Variants in HIPK2 observed in about 807,000 individuals in gnomAD.
The protein encoded by HIPK2 is homeodomain interacting protein kinase 2, also known as homeodomain-interacting protein kinase 2.
Under a neutral mutation model 113.7 loss-of-function variants are expected in HIPK2, and 27 were observed. The observed-to-expected ratio is 0.24, with a 90% CI of 0.17 to 0.33. The LOEUF (loss-of-function observed/expected upper bound fraction) is 0.33. HIPK2 is among the 10% of genes least tolerant of loss of function. The pLI, the probability that HIPK2 is intolerant of heterozygous loss-of-function variation, is 1.00. For missense variants in HIPK2, 1,257 were observed against 1,588.0 expected (o/e 0.79, Z 3.54); for synonymous variants, 631 against 642.2 (o/e 0.98, Z 0.26).
At chr7:139,762,817 T>C (rs1046956654) in intron 1 of HIPK2, among the ~76,000 whole-genome samples, 5 of 152,212 alleles carry the variant, frequency 3.3e-5, no homozygotes, top group East Asian at 1.9e-4. Flanking sequence ...TCTATCTTCA[T>C]GGAGCTTGCA....
At chr7:139,580,142 CCTT>C (rs1228703509) in intron 13 of HIPK2, among the ~76,000 whole-genome samples, 1 of 152,176 alleles carries the variant, frequency 6.6e-6, no homozygotes, top group Admixed American at 6.5e-5. Context: ...GGGGAAGCCT[CCTT>C]CTTGCTCTGC....
chr7:139,617,833 C>A (rs1800109207), intron 7 of HIPK2, among the ~76,000 whole-genome samples: 1 of 152,228 alleles, frequency 6.6e-6, no homozygotes, highest in South Asian at 2.1e-4. Flanking sequence ...TAAAACTATG[C>A]ATATATTGTA....
intron 2 of HIPK2, among the ~76,000 whole-genome samples, chr7:139,704,755 G>A (rs1364200976): frequency 6.6e-6 from 1 of 152,156 alleles, no homozygotes; most frequent in Non-Finnish European, 1.5e-5. Flanking sequence ...ACCAGCAGGT[G>A]TCAAAGGCAG....
intron 2 of HIPK2, among the ~76,000 whole-genome samples, chr7:139,698,475 G>C: frequency 1.3e-5 from 2 of 152,300 alleles, no homozygotes; most frequent in Middle Eastern, 6.8e-3. Flanking sequence ...TGTATACCTA[G>C]GAATGGAATT....
At chr7:139,769,355 C>CA (rs1554459780) in intron 1 of HIPK2, among the ~76,000 whole-genome samples, 37 of 151,856 alleles carry the variant, frequency 2.4e-4, no homozygotes, top group African/African-American at 4.1e-4. Context: ...TGGCCCACCC[C>CA]TGGCTGTCTG....
At chr7:139,584,157 C>T (rs1399268970) in intron 12 of HIPK2, 93 bp from the exon 13 acceptor site, 32 of 1,494,184 alleles carry the variant, frequency 2.1e-5, no homozygotes, top group Non-Finnish European at 2.6e-5. Context: ...GGGAGGGAGG[C>T]AGAGGGGAGA....
At chr7:139,601,943 T>C (rs1585260960) in intron 10 of HIPK2, among the ~76,000 whole-genome samples, 1 of 149,596 alleles carries the variant, frequency 6.7e-6, no homozygotes, top group Non-Finnish European at 1.5e-5. Context: ...ACTCATATTA[T>C]GGCTTCTTTT....
intron 1 of HIPK2, among the ~76,000 whole-genome samples, chr7:139,731,353 G>A (rs950390941): frequency 3.3e-5 from 5 of 152,148 alleles, no homozygotes; most frequent in African/African-American, 1.2e-4. Flanking sequence ...CTCTCCTTAT[G>A]CAAATATATT....
intron 2 of HIPK2, 64 bp downstream of exon 2, chr7:139,715,868 G>A: frequency 6.4e-7 from 1 of 1,560,970 alleles, no homozygotes; most frequent in Non-Finnish European, 8.7e-7. Context: ...TGACTAAGGT[G>A]GCACATTCTC....
chr7:139,659,362 T>A (rs1469984924), intron 2 of HIPK2, among the ~76,000 whole-genome samples: 3 of 152,172 alleles, frequency 2.0e-5, no homozygotes, highest in African/African-American at 7.2e-5. Flanking sequence ...TTTAATAACA[T>A]CCGATTCTTT....
chr7:139,602,272 T>C (rs2116697008), intron 10 of HIPK2, among the ~76,000 whole-genome samples: 1 of 152,324 alleles, frequency 6.6e-6, no homozygotes, highest in East Asian at 1.9e-4. Flanking sequence ...ATATTATGGC[T>C]TCTTTATTTT....
rs1355761642 is a variant in HIPK2 at position 139,634,683 on chromosome 7, T to TTTTGTTTTTG, written c.1104-2959_1104-2958insCAAAAACAAA. Among the ~76,000 whole-genome samples the TTTTGTTTTTG allele has an allele frequency of 2.1e-5, 3 of 143,218 alleles. 1 individual carries two copies. The highest frequency in any genetic ancestry group is 8.5e-5 in the African/African-American group (3 of 35,098). The allele number at this position is 143,218 out of a possible 152,430, so 94.0% of individuals were successfully genotyped here. A position where few individuals can be genotyped will look rare whatever the true frequency, so the allele number is the denominator to read the frequency against. On this transcript the variant is annotated intron_variant, in intron 2 of 14. Transcript: ENST00000406875. ...GGACTATCTGTTTCAGGTTTTTTTT[T>TTTTGTTTTTG]TTTTTTTTTTTTGAGACAGAGTCTT... is the stretch of plus-strand genomic sequence containing the variant.
chr7:139,688,827 C>G (rs1794310224), intron 2 of HIPK2, among the ~76,000 whole-genome samples: 1 of 152,066 alleles, frequency 6.6e-6, no homozygotes, highest in Non-Finnish European at 1.5e-5. Context: ...CGGATTCTGC[C>G]TGCATGTGAA....
intron 2 of HIPK2, among the ~76,000 whole-genome samples, chr7:139,633,516 G>A (rs1800694215): frequency 6.6e-6 from 1 of 151,994 alleles, no homozygotes; most frequent in African/African-American, 2.4e-5. Flanking sequence ...TTTTTCACAA[G>A]TAAAATGGAG....
At chr7:139,738,293 G>C (rs1235556809) in intron 1 of HIPK2, among the ~76,000 whole-genome samples, 2 of 152,344 alleles carry the variant, frequency 1.3e-5, no homozygotes, top group East Asian at 3.9e-4. Context: ...CCTATTCTTG[G>C]GAAACACACG....
rs1211577682 is a variant in HIPK2 at position 139,604,292 on chromosome 7, C to A, written c.2113-69G>T. 9 of 1,545,534 alleles carry A rather than the reference C, an allele frequency of 5.8e-6. No individual in the cohort carries two copies. In the South Asian group the frequency reaches 1.1e-4, roughly 19 times the overall value. Reference sequence around the variant, plus strand: ...CATAATTGATTTGCATGAACCCACACTTATTCTGTGCCTGGGGTTGTGCTA... The same window carrying A: ...CATAATTGATTTGCATGAACCCACAATTATTCTGTGCCTGGGGTTGTGCTA... On this transcript the variant is annotated intron_variant, in intron 9 of 14. Coordinates refer to ENST00000406875, the MANE Select transcript of HIPK2 (RefSeq NM_022740.5).
chr7:139,662,452 G>A (rs560404272), intron 2 of HIPK2, among the ~76,000 whole-genome samples: 3 of 152,118 alleles, frequency 2.0e-5, no homozygotes, highest in South Asian at 2.1e-4. Context: ...TCTTTCTATC[G>A]TTGCTTATAA....
intron 2 of HIPK2, among the ~76,000 whole-genome samples, chr7:139,686,384 A>C (rs189134310): frequency 6.6e-6 from 1 of 152,232 alleles, no homozygotes; most frequent in African/African-American, 2.4e-5. Flanking sequence ...AAATGATAAC[A>C]AAGGATTTAG....
intron 1 of HIPK2, among the ~76,000 whole-genome samples, chr7:139,722,300 G>A (rs1177393376): frequency 6.6e-6 from 1 of 152,084 alleles, no homozygotes; most frequent in South Asian, 2.1e-4. Context: ...CTATTTGTAA[G>A]ACATTATTCC....
Sources: gnomAD v4.1 joint callset for allele counts (sites outside exome capture counted in the v4.1 genomes callset) on GRCh38, gnomAD v4.1.1 for gene constraint, MANE v1.5 for transcripts, NCBI Gene and HGNC (gene_info 2026-07-23, HGNC 2026-07-21) for gene names.